The following SGCZ variants were observed in gnomAD, a reference collection of about 807,000 sequenced individuals.
The protein encoded by SGCZ is sarcoglycan zeta.
Under a neutral mutation model 41.3 loss-of-function variants are expected in SGCZ, and 40 were observed. The observed-to-expected ratio is 0.97, with a 90% confidence interval of 0.75 to 1.26. The LOEUF (loss-of-function observed/expected upper bound fraction) is 1.26, where lower values mean the gene tolerates loss of function less well. Among genes scored for constraint, SGCZ ranks in the 50% most tolerant of loss-of-function variants. The probability of loss-of-function intolerance (pLI) is 0.00; values close to 1 mark genes in which losing one functional copy is unlikely to be tolerated. For missense variants in SGCZ, 552 were observed against 369.8 expected, an observed-to-expected ratio of 1.49 and a Z score of -4.04; for synonymous variants, 206 against 137.5, an observed-to-expected ratio of 1.50 and a Z score of -3.49.
chr8:14,452,799 C>T (rs367607817), intron 2 of SGCZ, among the ~76,000 whole-genome samples: 4 of 152,024 alleles, frequency 2.6e-5, no homozygotes, highest in South Asian at 2.1e-4. Context: ...TGAAACATTC[C>T]GTATAAAAAG....
At chr8:14,848,543 T>G (rs1411616185) in intron 1 of SGCZ, among the ~76,000 whole-genome samples, 1 of 152,170 alleles carries the variant, frequency 6.6e-6, no homozygotes, top group East Asian at 1.9e-4. Flanking sequence ...AGATTAGATA[T>G]AGACCCACAC....
At chr8:14,231,022 T>G (rs1020293588) in intron 4 of SGCZ, among the ~76,000 whole-genome samples, 2 of 152,168 alleles carry the variant, frequency 1.3e-5, no homozygotes, top group South Asian at 4.1e-4. Flanking sequence ...ACTCAAATTA[T>G]GTTGGAGTAT....
At chr8:15,002,090 T>C (rs1023392746) in intron 1 of SGCZ, among the ~76,000 whole-genome samples, 4 of 152,054 alleles carry the variant, frequency 2.6e-5, no homozygotes, top group African/African-American at 7.2e-5. Flanking sequence ...GGCAGTCAAA[T>C]GTGCTTTAAA....
chr8:14,843,932 GA>G (rs1423615902), intron 1 of SGCZ, among the ~76,000 whole-genome samples: 1 of 151,446 alleles, frequency 6.6e-6, no homozygotes, highest in East Asian at 1.9e-4. Flanking sequence ...CCTGAAATAA[GA>G]AAAAAATTTA....
At chr8:14,638,624 T>C (rs1462531449) in intron 1 of SGCZ, among the ~76,000 whole-genome samples, 1 of 151,852 alleles carries the variant, frequency 6.6e-6, no homozygotes, top group African/African-American at 2.4e-5. Context: ...TTTCCTAGAA[T>C]GAGAATCTCC....
At chr8:14,814,790 G>A (rs974479026) in intron 1 of SGCZ, among the ~76,000 whole-genome samples, 1 of 152,026 alleles carries the variant, frequency 6.6e-6, no homozygotes, top group Non-Finnish European at 1.5e-5. Context: ...CTTGAGCAAG[G>A]TATTATGACT....
intron 5 of SGCZ, among the ~76,000 whole-genome samples, chr8:14,130,902 A>G (rs1803021498): frequency 6.6e-6 from 1 of 152,174 alleles, no homozygotes; most frequent in African/African-American, 2.4e-5. Context: ...AGTTGCATAA[A>G]AAATATTAGG....
chr8:15,110,774 G>A (rs1446253192), intron 1 of SGCZ, among the ~76,000 whole-genome samples: 5 of 152,102 alleles, frequency 3.3e-5, no homozygotes, highest in African/African-American at 1.2e-4. Flanking sequence ...TTCGAGACCA[G>A]CCTGACCAAC....
At chr8:14,884,453 A>T (rs1450071724) in intron 1 of SGCZ, among the ~76,000 whole-genome samples, 1 of 152,056 alleles carries the variant, frequency 6.6e-6, no homozygotes. Flanking sequence ...TAGAATCCTC[A>T]TTCTTAGACA....
chr8:14,148,867 C>T (rs931867264), intron 5 of SGCZ, among the ~76,000 whole-genome samples: 7 of 152,040 alleles, frequency 4.6e-5, no homozygotes, highest in Non-Finnish European at 1.0e-4. Context: ...CTCTGGGATG[C>T]AAGGATAGTT....
At chr8:15,053,788 T>C (rs1292655293) in intron 1 of SGCZ, among the ~76,000 whole-genome samples, 1 of 152,166 alleles carries the variant, frequency 6.6e-6, no homozygotes, top group East Asian at 1.9e-4. Context: ...AATTTGGATA[T>C]TTCTTAGCAA....
intron 2 of SGCZ, among the ~76,000 whole-genome samples, chr8:14,337,843 C>T (rs761097787): frequency 6.6e-6 from 1 of 152,070 alleles, no homozygotes; most frequent in African/African-American, 2.4e-5. Context: ...CCACTTTTAG[C>T]AATGGAGATG....
At position 14,835,120 on chromosome 8, in the gene SGCZ, CA is replaced by C. The variant is rs528572099; in HGVS notation, c.40-280195del. On this transcript the variant is annotated intron_variant, in intron 1 of 7. Transcript: ENST00000382080. ...CTCTCATCAAAGACACAAGTTTACTCAAGACATCTGTCCAAAAATGGGCCTT... is the reference window on the plus strand; with the variant it reads ...CTCTCATCAAAGACACAAGTTTACTCAGACATCTGTCCAAAAATGGGCCTT... Among the ~76,000 whole-genome samples the C allele has an allele frequency of 2.7e-3, 412 of 152,256 alleles. 1 individual carries two copies. The highest frequency in any genetic ancestry group is 9.0e-3 in the Admixed American group (137 of 15,292).
intron 1 of SGCZ, among the ~76,000 whole-genome samples, chr8:14,979,848 T>A (rs1298393933): frequency 6.6e-6 from 1 of 152,218 alleles, no homozygotes; most frequent in Non-Finnish European, 1.5e-5. Flanking sequence ...AGCTTTGTGT[T>A]TTCCCTTTAG....
chr8:15,140,346 T>A (rs1224796661), intron 1 of SGCZ, among the ~76,000 whole-genome samples: 1 of 152,150 alleles, frequency 6.6e-6, no homozygotes, highest in Non-Finnish European at 1.5e-5. Flanking sequence ...TATTTAGAGC[T>A]CATAACTAAT....
At chr8:14,684,827 G>A (rs1357632830) in intron 1 of SGCZ, among the ~76,000 whole-genome samples, 2 of 151,916 alleles carry the variant, frequency 1.3e-5, no homozygotes, top group African/African-American at 4.8e-5. Context: ...GCAGGCCCTT[G>A]TCATTTCAAG....
At chr8:14,967,308 G>C (rs144526862) in intron 1 of SGCZ, among the ~76,000 whole-genome samples, 1 of 152,128 alleles carries the variant, frequency 6.6e-6, no homozygotes, top group Non-Finnish European at 1.5e-5. Context: ...CAAAGGGATA[G>C]CGCTTCTAAC....
chr8:14,143,770 C>A (rs1296008132), intron 5 of SGCZ, among the ~76,000 whole-genome samples: 1 of 152,098 alleles, frequency 6.6e-6, no homozygotes, highest in Non-Finnish European at 1.5e-5. Flanking sequence ...CACCCTTCCC[C>A]TCTACACCCC....
At chr8:14,340,195 T>C (rs187124290) in intron 2 of SGCZ, among the ~76,000 whole-genome samples, 1 of 152,268 alleles carries the variant, frequency 6.6e-6, no homozygotes, top group Admixed American at 6.5e-5. Flanking sequence ...TAAAGGTTCT[T>C]ATTGTCATTA....
Sources: gnomAD v4.1 joint callset for allele counts (sites outside exome capture counted in the v4.1 genomes callset) on GRCh38, gnomAD v4.1.1 for gene constraint, MANE v1.5 for transcripts, NCBI Gene and HGNC (gene_info 2026-07-23, HGNC 2026-07-21) for gene names.